ZNF112: variants seen among roughly 807,000 people sequenced by gnomAD.
ZNF112 encodes the protein zinc finger protein 112 (Y14).
In ZNF112, 37 loss-of-function variants were observed where a neutral mutation model predicts 77.7. The observed-to-expected ratio is 0.48, with a 90% CI of 0.37 to 0.63. The LOEUF is 0.63. Among genes scored for constraint, ZNF112 ranks in the 20% least tolerant of loss-of-function variants. The pLI, the probability that ZNF112 is intolerant of heterozygous loss-of-function variation, is 0.00. For synonymous variants in ZNF112, 333 were observed against 363.6 expected (o/e 0.92, Z 0.96); for missense variants, 950 against 1,077.4 (o/e 0.88, Z 1.66).
chr19:44,336,556 G>T, intron 3 of ZNF112, 67 bp downstream of exon 3: 3 of 1,313,686 alleles, frequency 2.3e-6, no homozygotes, highest in Non-Finnish European at 3.3e-6. Context: ...ACAGAGAAGT[G>T]ATGTGTTCTG....
intron 1 of ZNF112, among the ~76,000 whole-genome samples, chr19:44,362,185 G>A (rs1970861202): frequency 6.6e-6 from 1 of 151,960 alleles, no homozygotes; most frequent in South Asian, 2.1e-4. Context: ...TTATCCACAT[G>A]GGCAAAATCT....
Position 44,328,230 on chromosome 19 carries a change from T to G in ZNF112, c.1927A>C (p.Ser643Arg). Residue 643 changes from serine to arginine, a missense_variant, in exon 4 of 4, where the codon AGC becomes CGC. Around this residue, in one of 3 missense-constraint regions of ZNF112, gnomAD observed 373 missense variants for 482.8 expected, o/e 0.77. Transcript: ENST00000354340. ...CTCTGATGAATTTGAAGATTAAAGC[T>G]CCAACTGAACCCCTTCCCACATTCC... ...CEECGKGFSW[S>R]FNLQIHQRVH... The G allele has an allele frequency of 1.2e-6, 2 of 1,614,060 alleles. No individual in the cohort carries two copies. Among genetic ancestry groups the G allele is most frequent in the Non-Finnish European group, 1.7e-6 (2 of 1,179,996 alleles).
exon 1 of ZNF112, chr19:44,367,177 G>A (rs1033532297): frequency 4.4e-6 from 2 of 455,518 alleles, no homozygotes; most frequent in African/African-American, 4.0e-5. Flanking sequence ...GCTGTCTCAG[G>A]CCTCACTCAA....
intron 1 of ZNF112, among the ~76,000 whole-genome samples, chr19:44,341,640 A>G (rs948498641): frequency 6.6e-6 from 1 of 152,244 alleles, no homozygotes; most frequent in Non-Finnish European, 1.5e-5. Context: ...CTTATTGGTA[A>G]TAAAGTTCAT....
At chr19:44,337,354 A>C (rs1270009394) in intron 2 of ZNF112, among the ~76,000 whole-genome samples, 11 of 47,858 alleles carry the variant, frequency 2.3e-4, no homozygotes, top group East Asian at 7.3e-4. Flanking sequence ...ATATGTGTAA[A>C]ATATATATTA....
At chr19:44,340,620 T>C (rs1970472763) in intron 1 of ZNF112, 78 bp from the exon 2 acceptor site, 2 of 1,601,792 alleles carry the variant, frequency 1.2e-6, no homozygotes, top group Non-Finnish European at 1.7e-6. Flanking sequence ...TGGAAGCTGT[T>C]CTGGAGTCTG....
intron 3 of ZNF112, among the ~76,000 whole-genome samples, chr19:44,332,363 T>C (rs1448110489): frequency 6.6e-6 from 1 of 152,204 alleles, no homozygotes; most frequent in Non-Finnish European, 1.5e-5. Flanking sequence ...GGTATATCAG[T>C]AGGTATGCAT....
At chr19:44,355,826 C>G (rs1485639703) in intron 1 of ZNF112, among the ~76,000 whole-genome samples, 11 of 152,226 alleles carry the variant, frequency 7.2e-5, no homozygotes, top group Admixed American at 5.9e-4. Flanking sequence ...ATCAGCGCAT[C>G]TTCGAGCAGA....
chr19:44,361,906 T>G lies in ZNF112; in HGVS notation c.17+5175A>C, dbSNP rs143872580. On this transcript the variant is annotated intron_variant, in intron 1 of 4. Coordinates refer to the ZNF112 transcript ENST00000588057. ...GAGTATATGGGAAATATTAATACTT[T>G]CTCAGTTTTTCTGAGCAGTTTTCTG... Among the ~76,000 whole-genome samples the G allele has an allele frequency of 8.7e-3, 1,233 of 141,862 alleles. 19 individuals carry two copies. Among genetic ancestry groups the G allele is most frequent in the African/African-American group, 0.035 (1,159 of 33,386 alleles). The allele number at this position is 141,862 out of a possible 152,430, so 93.1% of individuals were successfully genotyped here. A position where few individuals can be genotyped will look rare whatever the true frequency, so the allele number is the denominator to read the frequency against.
At chr19:44,338,260 T>G (rs1342418642) in intron 2 of ZNF112, among the ~76,000 whole-genome samples, 1 of 152,180 alleles carries the variant, frequency 6.6e-6, no homozygotes, top group East Asian at 1.9e-4. Context: ...TGCAAGTTTA[T>G]GCCAGGTGCT....
At chr19:44,362,971 A>T (rs1323232720) in intron 1 of ZNF112, among the ~76,000 whole-genome samples, 2 of 151,998 alleles carry the variant, frequency 1.3e-5, no homozygotes, top group Non-Finnish European at 2.9e-5. Flanking sequence ...ATATTTTACT[A>T]AAAAAAATTT....
In ZNF112 at chr19:44,340,670, C is replaced by T. The variant is rs910364226; in HGVS notation, c.-3-128G>A. The T allele has an allele frequency of 3.0e-6, 4 of 1,339,854 alleles. No individual in the cohort carries two copies. In the African/African-American group the frequency reaches 5.9e-5, roughly 20 times the overall value. 83.0% of individuals were successfully genotyped at this position (1,339,854 alleles called of 1,614,324 possible). ...CATTTACATAGTTCTCTTCTGTTTA[C>T]CTTCTGTAATGCTAATACCATTCAC... On this transcript the variant is annotated intron_variant, in intron 1 of 3. Coordinates refer to ENST00000354340, the MANE Select transcript of ZNF112 (RefSeq NM_013380.4).
At chr19:44,348,605 C>T (rs539471287) in intron 1 of ZNF112, among the ~76,000 whole-genome samples, 4 of 152,148 alleles carry the variant, frequency 2.6e-5, no homozygotes, top group African/African-American at 9.6e-5. Context: ...GAAAAAATAT[C>T]TGGACAATCT....
intron 1 of ZNF112, among the ~76,000 whole-genome samples, chr19:44,366,287 A>T (rs1442104621): frequency 6.6e-6 from 1 of 152,182 alleles, no homozygotes; most frequent in Non-Finnish European, 1.5e-5. Context: ...TCTGTACAGA[A>T]TTCTTTTGGG....
chr19:44,330,991 A>C (rs1053595079), intron 3 of ZNF112, among the ~76,000 whole-genome samples: 2 of 152,202 alleles, frequency 1.3e-5, no homozygotes, highest in African/African-American at 4.8e-5. Flanking sequence ...TTTATGTTTG[A>C]GGCATCACAT....
intron 2 of ZNF112, among the ~76,000 whole-genome samples, chr19:44,339,889 C>T (rs984507509): frequency 6.6e-6 from 1 of 151,832 alleles, no homozygotes; most frequent in South Asian, 2.1e-4. Context: ...ACCCTCAAGT[C>T]GTTCAGAAAA....
In ZNF112 at chr19:44,340,433, C is replaced by A. The variant is rs1970468535; in HGVS notation, c.107G>T (p.Arg36Met). The change falls in exon 2 of 4, where the codon AGG becomes ATG. Residue 36 changes from arginine to methionine, a missense_variant. This residue lies in a region of ZNF112 where 560 missense variants were observed against 557.3 expected (regional missense o/e 1.00). Coordinates refer to ENST00000354340, the MANE Select transcript of ZNF112 (RefSeq NM_013380.4). ...ATCCTCACCTACTAAGAGCAGGTTC[C>A]TGAAGTTCTCCAGCATCACATCTCG... The part of the protein sequence containing the change: ...LYRDVMLENF[R>M]NLLLVAHQPF... 6.2e-7 allele frequency: 1 copy of A among 1,614,040 alleles called. No homozygotes were observed.
At chr19:44,355,312 T>C (rs566066933) in intron 1 of ZNF112, among the ~76,000 whole-genome samples, 53 of 152,310 alleles carry the variant, frequency 3.5e-4, no homozygotes, top group Non-Finnish European at 6.8e-4. Flanking sequence ...TACTGTTATA[T>C]CTTGTGGTTA....
At chr19:44,357,674 A>G (rs1970807422), upstream of ZNF112, among the ~76,000 whole-genome samples, 1 of 152,184 alleles carries the variant, frequency 6.6e-6, no homozygotes, top group African/African-American at 2.4e-5. Flanking sequence ...GCAAGTCATA[A>G]GGCAAATAGA....
Sources: gnomAD v4.1 joint callset for allele counts (sites outside exome capture counted in the v4.1 genomes callset) on GRCh38, gnomAD v4.1.1 for gene constraint, gnomAD v4.1.1 regional missense constraint, MANE v1.5 for transcripts, NCBI Gene and HGNC (gene_info 2026-07-23, HGNC 2026-07-21) for gene names.